Variants in RFFL observed in about 807,000 individuals in gnomAD.
RFFL encodes the protein ring finger and FYVE like domain containing E3 ubiquitin protein ligase.
RFFL carries 16 observed loss-of-function variants against 40.4 expected under a neutral mutation model. The observed-to-expected ratio is 0.40, with a 90% confidence interval of 0.27 to 0.60. RFFL has a LOEUF of 0.60. Ranked by LOEUF, RFFL falls within the 20% of genes least tolerant of loss-of-function variation. The pLI is 0.47. For synonymous variants in RFFL, 154 were observed against 167.9 expected (o/e 0.92, Z 0.64); for missense variants, 367 against 451.7 (o/e 0.81, Z 1.70).
At chr17:35,054,127 T>C (rs2091246503) in intron 1 of RFFL, among the ~76,000 whole-genome samples, 1 of 152,130 alleles carries the variant, frequency 6.6e-6, no homozygotes, top group Non-Finnish European at 1.5e-5. Context: ...TATAATACTT[T>C]CCCATACTTC....
chr17:35,006,324 C>G lies in RFFL; in HGVS notation c.*5644G>C, dbSNP rs963723506. On this transcript the variant is annotated 3_prime_UTR_variant, in exon 7 of 7. Coordinates refer to ENST00000394597, the MANE Select transcript of RFFL (RefSeq NM_001017368.2). ...TTATTTTAATTCAACTTCAAATGGTCACATGTCACTAGTGACTACCACACT... is the reference window on the plus strand; with the variant it reads ...TTATTTTAATTCAACTTCAAATGGTGACATGTCACTAGTGACTACCACACT... 6.4e-6 allele frequency: 1 copy of G among 155,060 alleles called. No individual in the cohort carries two copies. The allele number at this position is 155,060 out of a possible 1,614,324, so 9.6% of individuals were successfully genotyped here. A position where few individuals can be genotyped will look rare whatever the true frequency, so the allele number is the denominator to read the frequency against.
chr17:35,041,311 C>A (rs2091163831), intron 1 of RFFL, among the ~76,000 whole-genome samples: 1 of 152,016 alleles, frequency 6.6e-6, no homozygotes, highest in South Asian at 2.1e-4. Context: ...ACACTTAAAG[C>A]TCTTTAATGT....
chr17:35,051,413 G>A (rs1477798486), intron 1 of RFFL, among the ~76,000 whole-genome samples: 2 of 152,080 alleles, frequency 1.3e-5, no homozygotes, highest in African/African-American at 2.4e-5. Flanking sequence ...TCTTTCCACC[G>A]CTGTACCCTA....
upstream of RFFL, among the ~76,000 whole-genome samples, chr17:35,067,433 A>G (rs938769239): frequency 2.0e-5 from 3 of 149,788 alleles, no homozygotes; most frequent in Non-Finnish European, 4.4e-5. Context: ...TGAATTTTTA[A>G]TAAGTATCTC....
chr17:35,037,224 T>C (rs949137819), intron 1 of RFFL, among the ~76,000 whole-genome samples: 4 of 152,208 alleles, frequency 2.6e-5, no homozygotes, highest in Admixed American at 2.0e-4. Flanking sequence ...AAGCAAGCCT[T>C]ACAGAATCAT....
At position 35,009,562 on chromosome 17, in the gene RFFL, T is replaced by C. The variant is rs1265321691; in HGVS notation, c.*2406A>G. 1 of 151,432 alleles carries C rather than the reference T, an allele frequency of 6.6e-6. No homozygotes were observed. Among genetic ancestry groups the C allele is most frequent in the Non-Finnish European group, 1.5e-5 (1 of 67,944 alleles). The allele number at this position is 151,432 out of a possible 1,614,324, so 9.4% of individuals were successfully genotyped here. The stretch of plus-strand genomic sequence containing the variant: ...AATGGGATCTTGGAACTCCCAACTT[T>C]AATTTGGTGTAATAAAAATGATGCA... On this transcript the variant is annotated 3_prime_UTR_variant, in exon 7 of 7. Transcript: ENST00000394597.
intron 1 of RFFL, among the ~76,000 whole-genome samples, chr17:35,055,658 C>T (rs1307181224): frequency 8.2e-6 from 1 of 121,750 alleles, no homozygotes; most frequent in Admixed American, 8.3e-5. Flanking sequence ...GCCACAAGAG[C>T]AAAACTCCAT....
chr17:35,083,875 C>T (rs946290335), intron 1 of RFFL, among the ~76,000 whole-genome samples: 19 of 151,910 alleles, frequency 1.3e-4, no homozygotes, highest in African/African-American at 4.1e-4. Flanking sequence ...AATGCCCCCC[C>T]CACCCTGAAA....
intron 1 of RFFL, among the ~76,000 whole-genome samples, chr17:35,041,881 G>A (rs2091168307): frequency 6.6e-6 from 1 of 152,078 alleles, no homozygotes; most frequent in Non-Finnish European, 1.5e-5. Flanking sequence ...GTGGTGTGGT[G>A]GCACATGCCT....
rs1390095476 is a variant in RFFL at position 35,010,330 on chromosome 17, A to G, written c.*1638T>C. 6.6e-6 allele frequency: 1 copy of G among 152,180 alleles called. No individual in the cohort carries two copies. Among genetic ancestry groups the G allele is most frequent in the Non-Finnish European group, 1.5e-5 (1 of 68,068 alleles). 9.4% of individuals were successfully genotyped at this position (152,180 alleles called of 1,614,324 possible). A position where few individuals can be genotyped will look rare whatever the true frequency, so the allele number is the denominator to read the frequency against. ...GGGAAAACACTCTGCTTTCCTGATC[A>G]TGTGTTTTGTGCTTGGCCACGCTTC... On this transcript the variant is annotated 3_prime_UTR_variant, in exon 7 of 7. Transcript: ENST00000394597.
At chr17:35,017,399 A>C (rs1448898814) in intron 4 of RFFL, 124 bp downstream of exon 4, 4 of 686,478 alleles carry the variant, frequency 5.8e-6, no homozygotes, top group Non-Finnish European at 1.1e-5. Flanking sequence ...CTACCCCAAA[A>C]ATATAATTTC....
chr17:35,016,289 G>T, intron 5 of RFFL, 81 bp downstream of exon 5: 1 of 1,243,506 alleles, frequency 8.0e-7, no homozygotes, highest in Non-Finnish European at 1.2e-6. Context: ...TGGAAATTGA[G>T]TCAGGTCAAT....
At chr17:35,074,736 A>T (rs1293276587) in intron 1 of RFFL, among the ~76,000 whole-genome samples, 1 of 152,246 alleles carries the variant, frequency 6.6e-6, no homozygotes, top group African/African-American at 2.4e-5. Flanking sequence ...ATTTTCCTAC[A>T]GGTAAAATAT....
At chr17:35,021,811 T>C (rs746479698) in intron 2 of RFFL, 30 bp from the exon 3 acceptor site, 2 of 1,612,670 alleles carry the variant, frequency 1.2e-6, no homozygotes, top group Non-Finnish European at 1.7e-6. Flanking sequence ...CAGGAAACCA[T>C]GTCAGATTGA....
chr17:35,015,151 G>A (rs773032680), intron 5 of RFFL, among the ~76,000 whole-genome samples: 5 of 152,082 alleles, frequency 3.3e-5, no homozygotes, highest in Admixed American at 6.6e-5. Flanking sequence ...GTTTTTGGTG[G>A]AGATGGTGTT....
chr17:35,016,266 C>A, intron 5 of RFFL, 104 bp downstream of exon 5: 1 of 1,007,956 alleles, frequency 9.9e-7, no homozygotes. Flanking sequence ...TGTCTCCTTC[C>A]ATGGCTTAAG....
upstream of RFFL, among the ~76,000 whole-genome samples, chr17:35,068,315 G>C (rs995391789): frequency 6.6e-6 from 1 of 152,254 alleles, no homozygotes; most frequent in Non-Finnish European, 1.5e-5. Context: ...CAGGCTTACA[G>C]TAACATTTGG....
chr17:35,035,374 A>G (rs1323807591), intron 1 of RFFL, among the ~76,000 whole-genome samples: 1 of 150,390 alleles, frequency 6.6e-6, no homozygotes, highest in Non-Finnish European at 1.5e-5. Context: ...GCACCACTGC[A>G]CTCCAGCCTG....
At position 35,081,318 on chromosome 17, in the gene RFFL, A is replaced by G. The variant is rs150306332; in HGVS notation, c.-9+7787T>C. Among the ~76,000 whole-genome samples, 782 of 152,320 alleles carry G rather than the reference A, an allele frequency of 5.1e-3. 4 individuals carry two copies. Among genetic ancestry groups the G allele is most frequent in the African/African-American group, 0.018 (755 of 41,572 alleles). ...AGTAACTTCAGTTATTGAAGACTAT[A>G]TATTTCTGTGAAACATATAGAAAAA... On this transcript the variant is annotated intron_variant, in intron 1 of 6. Coordinates refer to the RFFL transcript ENST00000315249.
Sources: gnomAD v4.1 joint callset for allele counts (sites outside exome capture counted in the v4.1 genomes callset) on GRCh38, gnomAD v4.1.1 for gene constraint, MANE v1.5 for transcripts, NCBI Gene and HGNC (gene_info 2026-07-23, HGNC 2026-07-21) for gene names.